MDGA2: variants seen among roughly 807,000 people sequenced by gnomAD.
MDGA2 encodes the protein MAM domain containing glycosylphosphatidylinositol anchor 2.
MDGA2 carries 40 observed loss-of-function variants against 117.8 expected under a neutral mutation model. That is an observed-to-expected ratio of 0.34 (90% CI 0.26 to 0.44). The LOEUF (loss-of-function observed/expected upper bound fraction) is 0.44, where lower values mean the gene tolerates loss of function less well. Ranked by LOEUF, MDGA2 falls within the 20% of genes least tolerant of loss-of-function variation. The pLI, the probability that MDGA2 is intolerant of heterozygous loss-of-function variation, is 1.00. For missense variants in MDGA2, 1,123 were observed against 1,250.6 expected, an observed-to-expected ratio of 0.90 and a Z score of 1.54; for synonymous variants, 452 against 439.0, an observed-to-expected ratio of 1.03 and a Z score of -0.37.
intron 1 of MDGA2, among the ~76,000 whole-genome samples, chr14:47,338,568 A>C (rs1404734292): frequency 6.6e-6 from 1 of 152,054 alleles, no homozygotes; most frequent in African/African-American, 2.4e-5. Context: ...CTAAATAAGC[A>C]CTTCTAAGAA....
chr14:46,862,874 T>C (rs529915865), intron 14 of MDGA2, among the ~76,000 whole-genome samples: 19 of 152,202 alleles, frequency 1.2e-4, no homozygotes, highest in South Asian at 4.1e-4. Context: ...CCCATGTCCA[T>C]TGATATTTTT....
In MDGA2 at chr14:46,957,542, G is replaced by A; in HGVS notation, c.1921C>T (p.Leu641=). The A allele has an allele frequency of 6.2e-7, 1 of 1,614,110 alleles. No individual in the cohort carries two copies. The highest frequency in any genetic ancestry group is 8.5e-7 in the Non-Finnish European group (1 of 1,180,014). The change falls in exon 9 of 17, where the codon CTG becomes TTG. Residue 641 remains leucine, a synonymous_variant. Transcript: ENST00000399232. ...RVLRAYPIRV[L]TYEWRLGNKL... Reference sequence around the variant, plus strand: ...TTGCCCAAGCGCCACTCATAGGTCAGCACCCGTATTGGATAGGCTCTCAGT... The same window carrying A: ...TTGCCCAAGCGCCACTCATAGGTCAACACCCGTATTGGATAGGCTCTCAGT...
At chr14:47,077,405 T>G (rs184611210) in intron 6 of MDGA2, among the ~76,000 whole-genome samples, 2 of 152,254 alleles carry the variant, frequency 1.3e-5, no homozygotes. Context: ...GCAGTTGTTC[T>G]CTCCCTTTTC....
chr14:47,202,184 CT>C (rs1348137562), intron 3 of MDGA2, among the ~76,000 whole-genome samples: 3 of 152,000 alleles, frequency 2.0e-5, no homozygotes, highest in African/African-American at 7.3e-5. Flanking sequence ...TTATAATGGG[CT>C]TAACACTTTT....
intron 15 of MDGA2, among the ~76,000 whole-genome samples, chr14:46,851,970 A>G (rs1457859162): frequency 6.6e-6 from 1 of 151,770 alleles, no homozygotes; most frequent in African/African-American, 2.4e-5. Flanking sequence ...CGAGACAAAA[A>G]CAACAAAAGT....
intron 1 of MDGA2, among the ~76,000 whole-genome samples, chr14:47,333,964 T>C (rs1466936362): frequency 1.3e-5 from 2 of 151,832 alleles, no homozygotes; most frequent in Non-Finnish European, 2.9e-5. Context: ...GGTTCAGATA[T>C]TTCCTCTAGG....
chr14:46,866,548 A>C (rs1040388646), intron 14 of MDGA2, among the ~76,000 whole-genome samples: 2 of 152,150 alleles, frequency 1.3e-5, no homozygotes, highest in African/African-American at 2.4e-5. Flanking sequence ...AATGGGATCT[A>C]ATTAAACTAA....
intron 3 of MDGA2, among the ~76,000 whole-genome samples, chr14:47,174,763 T>C (rs970643114): frequency 6.6e-6 from 1 of 151,582 alleles, no homozygotes; most frequent in Non-Finnish European, 1.5e-5. Context: ...GCAAACACAT[T>C]CAAAAGCTAG....
At chr14:47,242,965 A>G (rs1248940849) in intron 2 of MDGA2, among the ~76,000 whole-genome samples, 2 of 151,766 alleles carry the variant, frequency 1.3e-5, no homozygotes, top group African/African-American at 4.8e-5. Flanking sequence ...TAAATGCACC[A>G]ATCAGCACCC....
At chr14:47,040,598 C>T (rs1046387858) in intron 7 of MDGA2, among the ~76,000 whole-genome samples, 2 of 152,160 alleles carry the variant, frequency 1.3e-5, no homozygotes, top group Non-Finnish European at 2.9e-5. Flanking sequence ...ACTAGTTAAC[C>T]TCTGAGCCCT....
At chr14:47,231,568 A>T (rs1213695412) in intron 2 of MDGA2, among the ~76,000 whole-genome samples, 3 of 152,046 alleles carry the variant, frequency 2.0e-5, no homozygotes, top group Non-Finnish European at 4.4e-5. Context: ...ATTAAATTTT[A>T]CTCAGCCATT....
chr14:47,091,723 T>C (rs903151320), intron 6 of MDGA2, among the ~76,000 whole-genome samples: 4 of 149,760 alleles, frequency 2.7e-5, no homozygotes, highest in African/African-American at 9.9e-5. Flanking sequence ...TAGGCATGTG[T>C]CTGAGTTCTA....
chr14:47,326,979 G>A (rs1412770071), intron 1 of MDGA2, among the ~76,000 whole-genome samples: 2 of 152,146 alleles, frequency 1.3e-5, no homozygotes, highest in Non-Finnish European at 2.9e-5. Context: ...CCAAGGAGAG[G>A]ATGGAGTTGA....
chr14:47,436,650 T>A (rs1594855884), intron 1 of MDGA2, among the ~76,000 whole-genome samples: 1 of 152,036 alleles, frequency 6.6e-6, no homozygotes, highest in Non-Finnish European at 1.5e-5. Context: ...TTGTCTTGAT[T>A]CACACATAAA....
At chr14:47,556,770 T>C (rs11157562) in intron 1 of MDGA2, among the ~76,000 whole-genome samples, 17,936 of 152,264 alleles carry the variant, frequency 0.12, 1,231 homozygotes, top group African/African-American at 0.17. Flanking sequence ...TATGGCACTT[T>C]TACTAAAATA....
Position 47,100,406 on chromosome 14 carries a change from T to C in MDGA2, c.926-3283A>G, listed in dbSNP as rs918997049. Among the ~76,000 whole-genome samples, 16 of 152,266 alleles carry C rather than the reference T, an allele frequency of 1.1e-4. No individual in the cohort carries two copies. In the East Asian group the frequency reaches 2.3e-3, roughly 22 times the overall value. On this transcript the variant is annotated intron_variant, in intron 5 of 16. Transcript: ENST00000399232. Reference sequence around the variant, plus strand: ...AGTTCATTTTACTAAATCATGTACATGTTTAGCATACGTCTACAGCATGTG... The same window carrying C: ...AGTTCATTTTACTAAATCATGTACACGTTTAGCATACGTCTACAGCATGTG...
At chr14:47,513,056 T>C (rs1342535306) in intron 1 of MDGA2, among the ~76,000 whole-genome samples, 1 of 152,150 alleles carries the variant, frequency 6.6e-6, no homozygotes, top group African/African-American at 2.4e-5. Flanking sequence ...TGCTATTATA[T>C]ATAGTCATTC....
chr14:47,298,005 TATGA>T lies in MDGA2; in HGVS notation c.420+3402_420+3405del, dbSNP rs369199255. 7.2e-5 allele frequency among the ~76,000 whole-genome samples: 11 copies of T among 152,306 alleles called. No homozygotes were observed. In the East Asian group the frequency reaches 1.5e-3, roughly 21 times the overall value. On this transcript the variant is annotated intron_variant, in intron 2 of 16. Coordinates refer to ENST00000399232, the MANE Select transcript of MDGA2 (RefSeq NM_001113498.3). ...ATTTGTATGTGTGTGTTTGTATATA[TATGA>T]ATATGTGTATATATACACACACAGA...
intron 7 of MDGA2, among the ~76,000 whole-genome samples, chr14:47,051,131 A>G (rs1186220464): frequency 6.6e-6 from 1 of 151,950 alleles, no homozygotes; most frequent in East Asian, 1.9e-4. Flanking sequence ...GCATGCTGCA[A>G]GCTTTCATAC....
Sources: gnomAD v4.1 joint callset for allele counts (sites outside exome capture counted in the v4.1 genomes callset) on GRCh38, gnomAD v4.1.1 for gene constraint, MANE v1.5 for transcripts, NCBI Gene and HGNC (gene_info 2026-07-23, HGNC 2026-07-21) for gene names.